Variants in OCA2 observed in about 807,000 individuals in gnomAD.
The protein encoded by OCA2 is P protein.
Under a neutral mutation model 100.2 loss-of-function variants are expected in OCA2, and 77 were observed. The observed-to-expected ratio is 0.77, with a 90% CI of 0.64 to 0.93. OCA2 has a LOEUF of 0.93. Ranked by LOEUF, OCA2 falls within the 40% of genes least tolerant of loss-of-function variation. OCA2 has a pLI of 0.00. For synonymous variants in OCA2, 432 were observed against 439.2 expected (o/e 0.98, Z 0.21); for missense variants, 1,062 against 1,089.1 (o/e 0.98, Z 0.35).
intron 23 of OCA2, among the ~76,000 whole-genome samples, chr15:27,804,685 T>C (rs1371934912): frequency 6.6e-6 from 1 of 152,168 alleles, no homozygotes; most frequent in African/African-American, 2.4e-5. Flanking sequence ...GTGAGTAAAC[T>C]AGAGCCCAGA....
intron 2 of OCA2, among the ~76,000 whole-genome samples, chr15:28,076,117 C>T (rs1045032115): frequency 6.6e-6 from 1 of 152,142 alleles, no homozygotes; most frequent in Non-Finnish European, 1.5e-5. Flanking sequence ...GCAAGAGATA[C>T]ACTCTGAGCA....
intron 23 of OCA2, among the ~76,000 whole-genome samples, chr15:27,810,837 G>C (rs2034047149): frequency 2.6e-5 from 4 of 152,134 alleles, no homozygotes; most frequent in Admixed American, 2.6e-4. Context: ...TCTTACTCTT[G>C]CAAAAATGGC....
chr15:28,004,545 C>T (rs2042031600), intron 9 of OCA2, among the ~76,000 whole-genome samples: 1 of 151,904 alleles, frequency 6.6e-6, no homozygotes, highest in Non-Finnish European at 1.5e-5. Context: ...CTCACCCTCC[C>T]TCACATGCCC....
chr15:27,901,050 A>C (rs1282037910), intron 19 of OCA2, among the ~76,000 whole-genome samples: 1 of 152,152 alleles, frequency 6.6e-6, no homozygotes, highest in Non-Finnish European at 1.5e-5. Context: ...CTCTTCCCCC[A>C]CTTATTCTCC....
intron 23 of OCA2, among the ~76,000 whole-genome samples, chr15:27,789,810 A>C (rs1457046486): frequency 6.6e-6 from 1 of 152,272 alleles, no homozygotes; most frequent in Non-Finnish European, 1.5e-5. Flanking sequence ...ATCTAAACTC[A>C]AAATGGATCA....
rs2031267182 is a variant in OCA2, at chr15:27,766,429, CTTCT to C, written c.2433-10961_2433-10958del. Among the ~76,000 whole-genome samples the C allele has an allele frequency of 1.3e-5, 2 of 152,148 alleles. 1 individual carries two copies. Among genetic ancestry groups the C allele is most frequent in the South Asian group, 4.1e-4 (2 of 4,824 alleles). On this transcript the variant is annotated intron_variant, in intron 23 of 23. Transcript: ENST00000354638. ...GAGCAGCCAACCCAGACATTCGCTC[CTTCT>C]CTATGAAGGACACTGACACCGCCTT...
intron 21 of OCA2, among the ~76,000 whole-genome samples, chr15:27,870,681 AAAGAAGGAAGGAAGG>A (rs2151491831): frequency 5.4e-5 from 1 of 18,538 alleles, no homozygotes; most frequent in African/African-American, 1.5e-4. Flanking sequence ...GGAAGGAAGG[AAAGAAGGAAGGAAGG>A]AAAGAAGGAA....
chr15:27,954,979 G>T (rs1199378887), intron 17 of OCA2, among the ~76,000 whole-genome samples, 179 bp downstream of exon 17: 1 of 152,216 alleles, frequency 6.6e-6, no homozygotes, highest in African/African-American at 2.4e-5. Context: ...AAATCAGCCT[G>T]CTGTATCCAG....
intron 19 of OCA2, among the ~76,000 whole-genome samples, chr15:27,882,726 T>C (rs1421484997): frequency 6.6e-6 from 1 of 152,246 alleles, no homozygotes; most frequent in Non-Finnish European, 1.5e-5. Context: ...AATTGGCTTC[T>C]GACCACAATT....
chr15:27,926,290 C>T (rs1463251673), intron 18 of OCA2, 36 bp from the exon 19 acceptor site: 14 of 1,610,860 alleles, frequency 8.7e-6, no homozygotes. Context: ...GATATAGTTC[C>T]ACTGTTAACA....
intron 14 of OCA2, among the ~76,000 whole-genome samples, chr15:27,971,150 C>T (rs1567174946): frequency 2.0e-5 from 3 of 151,828 alleles, no homozygotes; most frequent in Admixed American, 1.3e-4. Context: ...GATGGGAAAA[C>T]GTGAAGAACG....
downstream of OCA2, among the ~76,000 whole-genome samples, chr15:27,751,542 G>A (rs766796979): frequency 6.6e-6 from 1 of 152,186 alleles, no homozygotes; most frequent in Non-Finnish European, 1.5e-5. Flanking sequence ...ATAACATATT[G>A]GATTCGCTGC....
intron 19 of OCA2, chr15:27,896,564 G>A: frequency 2.8e-6 from 1 of 360,896 alleles, no homozygotes; most frequent in Non-Finnish European, 5.2e-6. Flanking sequence ...GAGCTCAGAA[G>A]TGGGCTTCTG....
chr15:27,859,475 A>T (rs1472193714), intron 21 of OCA2, among the ~76,000 whole-genome samples: 1 of 152,188 alleles, frequency 6.6e-6, no homozygotes, highest in Non-Finnish European at 1.5e-5. Context: ...GACTCATGAA[A>T]AAATAGAATA....
At chr15:27,842,099 T>A (rs1157227871) in intron 23 of OCA2, among the ~76,000 whole-genome samples, 1 of 152,238 alleles carries the variant, frequency 6.6e-6, no homozygotes, top group Non-Finnish European at 1.5e-5. Context: ...GCAACCTCAA[T>A]GCCTCAATGT....
At chr15:27,768,088 C>T (rs749636348) in intron 23 of OCA2, among the ~76,000 whole-genome samples, 9 of 152,090 alleles carry the variant, frequency 5.9e-5, no homozygotes, top group African/African-American at 1.4e-4. Context: ...TGTGACCTGG[C>T]GCAGGGAGGG....
At chr15:27,811,476 T>C (rs1566982523) in intron 23 of OCA2, among the ~76,000 whole-genome samples, 1 of 152,244 alleles carries the variant, frequency 6.6e-6, no homozygotes, top group Admixed American at 6.5e-5. Context: ...AATTCATCCA[T>C]GTACCCAAAA....
At chr15:27,955,337 G>C in intron 16 of OCA2, 122 bp from the exon 17 acceptor site, 1 of 788,394 alleles carries the variant, frequency 1.3e-6, no homozygotes, top group Non-Finnish European at 2.3e-6. Flanking sequence ...TGGCTGGCAG[G>C]ACTAGTCATG....
intron 23 of OCA2, among the ~76,000 whole-genome samples, chr15:27,778,869 T>A (rs1386113303): frequency 1.3e-5 from 2 of 152,214 alleles, no homozygotes; most frequent in East Asian, 3.9e-4. Context: ...AAAGAAAACA[T>A]GCAGGAATTT....
Sources: allele counts gnomAD v4.1 joint callset (sites outside exome capture counted in the v4.1 genomes callset), GRCh38; gene constraint gnomAD v4.1.1; transcripts MANE v1.5; gene names NCBI Gene and HGNC (gene_info 2026-07-23, HGNC 2026-07-21).